TBC1D22A: variants seen among roughly 807,000 people sequenced by gnomAD.
The protein encoded by TBC1D22A is putative GTPase activator.
In TBC1D22A, 38 loss-of-function variants were observed where a neutral mutation model predicts 60.2. The observed-to-expected ratio is 0.63, with a 90% CI of 0.49 to 0.83. The LOEUF is 0.83. TBC1D22A is among the 40% of genes least tolerant of loss of function. TBC1D22A has a pLI of 0.00. For synonymous variants in TBC1D22A, 302 were observed against 281.7 expected, an observed-to-expected ratio of 1.07 and a Z score of -0.72; for missense variants, 628 against 701.0, an observed-to-expected ratio of 0.90 and a Z score of 1.18.
At position 47,158,257 on chromosome 22, in the gene TBC1D22A, A is replaced by G. The variant is rs143177611; in HGVS notation, c.1426-15241A>G. On this transcript the variant is annotated intron_variant, in intron 12 of 12. Coordinates refer to ENST00000337137, the MANE Select transcript of TBC1D22A (RefSeq NM_014346.5). Reference sequence around the variant, plus strand: ...CTAGAAACTTAGCAGGATCAGCTCTACGTGACCCAGACGCTTAAGCACATT... The same window carrying G: ...CTAGAAACTTAGCAGGATCAGCTCTGCGTGACCCAGACGCTTAAGCACATT... Among the ~76,000 whole-genome samples the G allele has an allele frequency of 2.6e-5, 4 of 152,350 alleles. 1 individual carries two copies. Among genetic ancestry groups the G allele is most frequent in the East Asian group, 3.9e-4 (2 of 5,188 alleles).
chr22:46,768,362 G>A (rs924079010), intron 1 of TBC1D22A, among the ~76,000 whole-genome samples: 3 of 151,862 alleles, frequency 2.0e-5, no homozygotes, highest in Admixed American at 6.6e-5. Context: ...GCAGGCGCCT[G>A]TAATCCCAGC....
intron 12 of TBC1D22A, among the ~76,000 whole-genome samples, chr22:47,170,735 A>G (rs1280669502): frequency 2.2e-5 from 3 of 134,210 alleles, no homozygotes; most frequent in African/African-American, 1.0e-4. Context: ...GAGAGAGGAC[A>G]GTCCTGGTGT....
intron 10 of TBC1D22A, among the ~76,000 whole-genome samples, chr22:47,035,404 T>C (rs565763130): frequency 1.3e-5 from 2 of 152,244 alleles, no homozygotes; most frequent in South Asian, 4.1e-4. Context: ...CCTGGTGACT[T>C]CCTCCCAGGC....
chr22:46,841,696 T>C (rs2086778369), intron 4 of TBC1D22A, among the ~76,000 whole-genome samples: 1 of 152,146 alleles, frequency 6.6e-6, no homozygotes, highest in African/African-American at 2.4e-5. Flanking sequence ...GGCTGCAAAG[T>C]GGGGAGATGT....
intron 8 of TBC1D22A, among the ~76,000 whole-genome samples, chr22:46,957,026 A>T (rs929635546): frequency 1.3e-5 from 2 of 152,206 alleles, no homozygotes; most frequent in African/African-American, 4.8e-5. Flanking sequence ...AGGCCATGGC[A>T]GGTCCCTGAA....
chr22:47,085,883 A>G (rs1569430816), intron 11 of TBC1D22A, among the ~76,000 whole-genome samples: 1 of 152,238 alleles, frequency 6.6e-6, no homozygotes, highest in South Asian at 2.1e-4. Flanking sequence ...TCACACTACC[A>G]TCTACATTCA....
At chr22:46,968,535 C>T (rs2073917387) in intron 8 of TBC1D22A, among the ~76,000 whole-genome samples, 2 of 149,638 alleles carry the variant, frequency 1.3e-5, no homozygotes. Flanking sequence ...GTCCTCACTG[C>T]GTGGCCGGCG....
chr22:47,121,732 TTTGCATG>T (rs201147172), intron 12 of TBC1D22A, among the ~76,000 whole-genome samples: 3,229 of 152,234 alleles, frequency 0.021, 121 homozygotes, highest in African/African-American at 0.072. Context: ...TTTTTTGTAT[TTTGCATG>T]TTCTTTTCAA....
At chr22:46,948,937 C>T (rs373155315) in intron 8 of TBC1D22A, among the ~76,000 whole-genome samples, 1 of 152,332 alleles carries the variant, frequency 6.6e-6, no homozygotes. Flanking sequence ...GTGAGAGCCA[C>T]ACAGGTAGAT....
chr22:46,898,769 G>T (rs1417927907), intron 7 of TBC1D22A, among the ~76,000 whole-genome samples: 2 of 152,138 alleles, frequency 1.3e-5, no homozygotes, highest in Non-Finnish European at 2.9e-5. Flanking sequence ...TTCCTTGTGG[G>T]CAAAATATGG....
At chr22:46,943,600 G>A (rs963278326) in intron 8 of TBC1D22A, among the ~76,000 whole-genome samples, 6 of 152,158 alleles carry the variant, frequency 3.9e-5, no homozygotes, top group African/African-American at 9.7e-5. Context: ...CATTTAATGC[G>A]TATAATTCAG....
intron 9 of TBC1D22A, among the ~76,000 whole-genome samples, chr22:46,977,946 T>C (rs2074367715): frequency 6.6e-6 from 1 of 152,208 alleles, no homozygotes; most frequent in African/African-American, 2.4e-5. Context: ...GAGATTTGGG[T>C]GGGGACACAG....
chr22:47,042,504 C>G (rs144103012), intron 11 of TBC1D22A, among the ~76,000 whole-genome samples: 1 of 152,236 alleles, frequency 6.6e-6, no homozygotes, highest in South Asian at 2.1e-4. Flanking sequence ...TCACAGCCTT[C>G]TGATTTCCAT....
chr22:47,078,617 A>G (rs1895175166), intron 11 of TBC1D22A, among the ~76,000 whole-genome samples: 1 of 152,186 alleles, frequency 6.6e-6, no homozygotes, highest in Non-Finnish European at 1.5e-5. Context: ...TGTAGTTGCT[A>G]TCAGTGTGAT....
intron 4 of TBC1D22A, among the ~76,000 whole-genome samples, chr22:46,870,535 G>A (rs547321989): frequency 9.8e-5 from 15 of 152,286 alleles, no homozygotes; most frequent in Non-Finnish European, 1.8e-4. Context: ...GGATTTTACT[G>A]CCTGACTGTG....
At chr22:47,172,009 G>GAGCC (rs1343750083) in intron 12 of TBC1D22A, among the ~76,000 whole-genome samples, 1,024 of 88,484 alleles carry the variant, frequency 0.012, 134 homozygotes, top group African/African-American at 0.056. Flanking sequence ...TGAGCCCAGT[G>GAGCC]TGCCTACCCA....
At chr22:47,098,062 GAAAAAA>G (rs922368895) in intron 11 of TBC1D22A, among the ~76,000 whole-genome samples, 1 of 141,600 alleles carries the variant, frequency 7.1e-6, no homozygotes, top group Non-Finnish European at 1.6e-5. Context: ...ACGTAGTAAA[GAAAAAA>G]AAAAGAAAAA....
intron 10 of TBC1D22A, among the ~76,000 whole-genome samples, chr22:47,016,161 A>G (rs2061905722): frequency 6.6e-6 from 1 of 152,150 alleles, no homozygotes; most frequent in South Asian, 2.1e-4. Context: ...AAGCTTTTAC[A>G]GTGGGCACTG....
chr22:47,054,041 G>T (rs1300859461), intron 11 of TBC1D22A, among the ~76,000 whole-genome samples: 1 of 152,198 alleles, frequency 6.6e-6, no homozygotes, highest in African/African-American at 2.4e-5. Context: ...CAGTGTGAGA[G>T]CTGCAGTTCC....
Sources: gnomAD v4.1 joint callset for allele counts (sites outside exome capture counted in the v4.1 genomes callset) on GRCh38, gnomAD v4.1.1 for gene constraint, MANE v1.5 for transcripts, NCBI Gene and HGNC (gene_info 2026-07-23, HGNC 2026-07-21) for gene names.